Variants in CAPN12 observed in about 807,000 individuals in gnomAD.
CAPN12 encodes calpain-12.
In CAPN12, 107 loss-of-function variants were observed where a neutral mutation model predicts 95.0. That is an observed-to-expected ratio of 1.13 (90% CI 0.96 to 1.32). The LOEUF is 1.32. Ranked by LOEUF, CAPN12 falls within the 40% of genes most tolerant of loss-of-function variation. The probability of loss-of-function intolerance (pLI) is 0.00; values close to 1 mark genes in which losing one functional copy is unlikely to be tolerated. For missense variants in CAPN12, 1,136 were observed against 997.8 expected (o/e 1.14, Z -1.87); for synonymous variants, 505 against 415.5 (o/e 1.22, Z -2.62).
At chr19:38,733,312 G>GC (rs1286787583) in intron 18 of CAPN12, 5 of 181,166 alleles carry the variant, frequency 2.8e-5, no homozygotes. Flanking sequence ...AGTGCCCAGG[G>GC]CCCCTCCTGG....
At position 38,737,283 on chromosome 19, in the gene CAPN12, G is replaced by GCCC; in HGVS notation, c.1232_1234dup (p.Gly411dup). ...GCGGCCCCCCCGCGCTGGGCCCCGT[G>GCCC]CCCCTGCAGCCCCCCAGCCCCCCCA... On this transcript the variant is annotated inframe_insertion, in exon 10 of 21. Transcript: ENST00000328867. 2 of 1,502,880 alleles carry GCCC rather than the reference G, an allele frequency of 1.3e-6. No homozygotes were observed. Among genetic ancestry groups the GCCC allele is most frequent in the South Asian group, 2.5e-5 (2 of 81,392 alleles). 93.1% of individuals were successfully genotyped at this position (1,502,880 alleles called of 1,614,324 possible). A position where few individuals can be genotyped will look rare whatever the true frequency, so the allele number is the denominator to read the frequency against.
At position 38,730,574 on chromosome 19, in the gene CAPN12, T is replaced by A. The variant is rs1969508019; in HGVS notation, c.*278A>T. 3.7e-6 allele frequency: 2 copies of A among 546,150 alleles called. No individual in the cohort carries two copies. Among genetic ancestry groups the A allele is most frequent in the Non-Finnish European group, 6.5e-6 (2 of 305,638 alleles). The allele number at this position is 546,150 out of a possible 1,614,324, so 33.8% of individuals were successfully genotyped here. On this transcript the variant is annotated 3_prime_UTR_variant, in exon 21 of 21. Transcript: ENST00000328867. ...TTTTTTATTTCTCCTGTGTCTGTCC[T>A]CCACCTTCTAGGAGAGCCAGGGCAG...
chr19:38,731,247 C>G (rs906047003), intron 18 of CAPN12, 24 bp from the exon 19 acceptor site: 2 of 1,595,810 alleles, frequency 1.3e-6, no homozygotes, highest in African/African-American at 1.3e-5. Flanking sequence ...GCTTCTGAGC[C>G]CAGTGGCCCA....
At position 38,740,033 on chromosome 19, in the gene CAPN12, C is replaced by A. The variant is rs200001276; in HGVS notation, c.729+18G>T. The A allele has an allele frequency of 1.0e-5, 16 of 1,539,162 alleles. No homozygotes were observed. Among genetic ancestry groups the A allele is most frequent in the African/African-American group, 1.4e-5 (1 of 72,852 alleles). On this transcript the variant is annotated intron_variant, in intron 5 of 20. Coordinates refer to ENST00000328867, the MANE Select transcript of CAPN12 (RefSeq NM_144691.4). ...CTGGTCCTGGTGGGGGTTCCGCATG[C>A]GAGTCCAGGTCTCTTACCAGGGCAG... is the stretch of plus-strand genomic sequence containing the variant.
chr19:38,730,831 A>T lies in CAPN12; in HGVS notation c.*21T>A, dbSNP rs1969527128. 6.4e-7 allele frequency: 1 copy of T among 1,550,612 alleles called. No individual in the cohort carries two copies. The highest frequency in any genetic ancestry group is 1.4e-5 in the African/African-American group (1 of 73,076). On this transcript the variant is annotated 3_prime_UTR_variant, in exon 21 of 21. Coordinates refer to ENST00000328867, the MANE Select transcript of CAPN12 (RefSeq NM_144691.4). ...GCTCAGCAACCCTGCCCTGAGCAGC[A>T]GGTGCGCCCATCCGGAGATCCTAGG...
rs1276331743 is a variant in CAPN12 at position 38,741,900 on chromosome 19, A to G, written c.437T>C (p.Phe146Ser). Residue 146 changes from phenylalanine (F) to serine (S), a missense_variant, in exon 4 of 21, where the codon TTT becomes TCT. Physicochemically the swap from Phe to Ser is radical, Grantham distance 155. Transcript: ENST00000328867. Reference protein sequence around the residue: ...AGVFHFQLWQFGRWMDVVVDD... With the variant: ...AGVFHFQLWQSGRWMDVVVDD... Reference sequence around the variant, plus strand: ...CACCACGACGTCCATCCAGCGGCCAAACTGCCAGAGCTGGTGGGAGAAGAT... The same window carrying G: ...CACCACGACGTCCATCCAGCGGCCAGACTGCCAGAGCTGGTGGGAGAAGAT... The G allele has an allele frequency of 7.4e-6, 12 of 1,613,996 alleles. No homozygotes were observed. Among genetic ancestry groups the G allele is most frequent in the Non-Finnish European group, 1.0e-5 (12 of 1,180,026 alleles).
chr19:38,743,884 C>T (rs1377370734), intron 1 of CAPN12, 45 bp downstream of exon 1: 3 of 1,583,380 alleles, frequency 1.9e-6, no homozygotes, highest in Non-Finnish European at 2.6e-6. Context: ...GCCTCCAGCC[C>T]CTCCTCCCTC....
chr19:38,735,648 C>A lies in CAPN12; in HGVS notation c.1584-104G>T, dbSNP rs530736679. ...AATCGCGTGGGGTCTAGGTAGGGAC[C>A]GTGGAGCCCTGGGCTCATCCTCGCG... is the stretch of plus-strand genomic sequence containing the variant. On this transcript the variant is annotated intron_variant, in intron 12 of 20. Transcript: ENST00000328867. The A allele has an allele frequency of 3.4e-6, 3 of 893,526 alleles. No homozygotes were observed. In the East Asian group the frequency reaches 9.3e-5, roughly 28 times the overall value. 55.3% of individuals were successfully genotyped at this position (893,526 alleles called of 1,614,324 possible).
intron 18 of CAPN12, 167 bp downstream of exon 18, chr19:38,733,536 C>T: frequency 1.7e-6 from 1 of 604,246 alleles, no homozygotes. Flanking sequence ...CTTATTTGGC[C>T]TCTTTCAGGG....
chr19:38,740,212 C>T lies in CAPN12; in HGVS notation c.568G>A (p.Gly190Ser), dbSNP rs62617084. The change falls in exon 5 of 21, where the codon GGC becomes AGC. Residue 190 changes from glycine (G) to serine (S), a missense_variant. By Grantham distance (56) the Gly-to-Ser change is moderately conservative (BLOSUM62 0). Coordinates refer to ENST00000328867, the MANE Select transcript of CAPN12 (RefSeq NM_144691.4). The part of the protein sequence containing the change: ...LLEKAYAKLH[G>S]SYEVMRGGHM... The stretch of plus-strand genomic sequence containing the variant: ...CCGCCCCGCATCACCTCATAGGAGC[C>T]GTGGAGCCTGTGGGGGCAGATCTGG... 5,845 of 1,605,250 alleles carry T rather than the reference C, an allele frequency of 3.6e-3. 116 individuals carry two copies. In the Admixed American group the frequency reaches 0.042, roughly 12 times the overall value.
chr19:38,731,915 C>G (rs1418255722), intron 18 of CAPN12, among the ~76,000 whole-genome samples: 1 of 152,248 alleles, frequency 6.6e-6, no homozygotes, highest in Non-Finnish European at 1.5e-5. Flanking sequence ...GGCAGGTGGC[C>G]TGCAGCCTCT....
At chr19:38,742,850 C>CAAAAAAAAAAAAAAAAAAAAA (rs11406594) in intron 2 of CAPN12, among the ~76,000 whole-genome samples, 183 bp downstream of exon 2, 4 of 53,306 alleles carry the variant, frequency 7.5e-5, no homozygotes, top group African/African-American at 2.8e-4. Flanking sequence ...GACCCCATCT[C>CAAAAAAAAAAAAAAAAAAAAA]AAAAAAAAAA....
intron 1 of CAPN12, 130 bp from the exon 2 acceptor site, chr19:38,743,232 T>A: frequency 9.6e-7 from 1 of 1,036,320 alleles, no homozygotes; most frequent in Non-Finnish European, 1.4e-6. Context: ...TCCCTGGGTC[T>A]CCAGAAGTTG....
At chr19:38,736,351 C>A in intron 11 of CAPN12, 33 bp from the exon 12 acceptor site, 1 of 1,461,852 alleles carries the variant, frequency 6.8e-7, no homozygotes, top group Non-Finnish European at 9.1e-7. Context: ...ACGGACCAGG[C>A]TCACCCCCGG....
In CAPN12 at chr19:38,737,187, G is replaced by A. The variant is rs373507672; in HGVS notation, c.1331C>T (p.Thr444Ile). 7.8e-5 allele frequency: 121 copies of A among 1,547,898 alleles called. No homozygotes were observed. The highest frequency in any genetic ancestry group is 1.2e-4 in the South Asian group (10 of 84,018). ...CACGTGGAAGCCAACGGTGAGGTAA[G>A]TGAGGCCCTTGGCTCTCAGGCGCCG... The part of the protein sequence containing the change: ...NRRRLRAKGL[T>I]YLTVGFHVFQ... Residue 444 changes from threonine (T) to isoleucine (I), a missense_variant, in exon 10 of 21, where the codon ACT (threonine) becomes ATT (isoleucine). By Grantham distance (89) the Thr-to-Ile change is moderately conservative (BLOSUM62 -1). Transcript: ENST00000328867.
intron 1 of CAPN12, among the ~76,000 whole-genome samples, chr19:38,743,340 C>T (rs1970675830): frequency 7.1e-6 from 1 of 141,092 alleles, no homozygotes; most frequent in Non-Finnish European, 1.6e-5. Context: ...GTCCCGAGCC[C>T]CTCCTCCCTC....
intron 18 of CAPN12, chr19:38,731,470 C>G (rs1969605632): frequency 3.6e-6 from 2 of 558,992 alleles, no homozygotes; most frequent in Non-Finnish European, 6.5e-6. Flanking sequence ...AGGACAGCGT[C>G]TGACACGTGA....
intron 4 of CAPN12, among the ~76,000 whole-genome samples, chr19:38,740,459 G>A (rs1407462916): frequency 2.0e-5 from 3 of 151,812 alleles, no homozygotes; most frequent in African/African-American, 2.4e-5. Flanking sequence ...TCAGCCTCCC[G>A]AGGAGCTGGG....
At chr19:38,737,785 T>A (rs550363727) in intron 8 of CAPN12, 147 bp from the exon 9 acceptor site, 35 of 1,114,212 alleles carry the variant, frequency 3.1e-5, no homozygotes, top group Admixed American at 6.5e-5. Context: ...CCCAAATGCC[T>A]GGGCCTCTAG....
Sources: gnomAD v4.1 joint callset for allele counts (sites outside exome capture counted in the v4.1 genomes callset) on GRCh38, gnomAD v4.1.1 for gene constraint, MANE v1.5 for transcripts, NCBI Gene and HGNC (gene_info 2026-07-23, HGNC 2026-07-21) for gene names.